The following CAPSL variants were observed in gnomAD, a reference collection of about 807,000 sequenced individuals.
CAPSL encodes the protein calcyphosin-like protein.
A neutral mutation model predicts 21.3 loss-of-function variants in CAPSL; 17 were observed. The observed-to-expected ratio is 0.80, with a 90% CI of 0.55 to 1.20. The LOEUF (loss-of-function observed/expected upper bound fraction) is 1.20, where lower values mean the gene tolerates loss of function less well. CAPSL is among the 50% of genes most tolerant of loss of function. The pLI, the probability that CAPSL is intolerant of heterozygous loss-of-function variation, is 0.00. For missense variants in CAPSL, 289 were observed against 259.3 expected, an observed-to-expected ratio of 1.11 and a Z score of -0.79; for synonymous variants, 102 against 89.3, an observed-to-expected ratio of 1.14 and a Z score of -0.80.
chr5:35,908,125 AAC>A (rs1226756696), intron 4 of CAPSL, among the ~76,000 whole-genome samples: 3 of 152,210 alleles, frequency 2.0e-5, no homozygotes, highest in East Asian at 3.8e-4. Flanking sequence ...GTAATTTTAA[AAC>A]AGTTATTTCT....
At chr5:35,936,489 A>G (rs529826608) in intron 1 of CAPSL, among the ~76,000 whole-genome samples, 13 of 152,296 alleles carry the variant, frequency 8.5e-5, no homozygotes, top group East Asian at 3.9e-4. Context: ...GTCCATTTCA[A>G]TATGGTCTTC....
intron 2 of CAPSL, among the ~76,000 whole-genome samples, 196 bp downstream of exon 2, chr5:35,920,788 C>G (rs143065971): frequency 6.6e-6 from 1 of 152,134 alleles, no homozygotes; most frequent in Non-Finnish European, 1.5e-5. Flanking sequence ...TGAGTCTTGC[C>G]GAATCTGGGA....
intron 1 of CAPSL, among the ~76,000 whole-genome samples, chr5:35,924,542 A>T (rs1229577537): frequency 6.6e-6 from 1 of 152,124 alleles, no homozygotes; most frequent in Non-Finnish European, 1.5e-5. Flanking sequence ...TTATTTCTGG[A>T]GTCTAATAAA....
At chr5:35,934,705 C>T (rs1421667330) in intron 1 of CAPSL, among the ~76,000 whole-genome samples, 3 of 152,180 alleles carry the variant, frequency 2.0e-5, no homozygotes, top group African/African-American at 7.2e-5. Flanking sequence ...CCTCCTTTTG[C>T]CCCTTTAAGG....
chr5:35,921,524 C>T (rs929427289), intron 1 of CAPSL, among the ~76,000 whole-genome samples: 2 of 152,142 alleles, frequency 1.3e-5, no homozygotes, highest in African/African-American at 4.8e-5. Context: ...TTGGTCTAAA[C>T]ATTGATTTTG....
At chr5:35,920,845 T>G in intron 2 of CAPSL, 139 bp downstream of exon 2, 1 of 900,614 alleles carries the variant, frequency 1.1e-6, no homozygotes, top group East Asian at 2.7e-5. Flanking sequence ...TCAACTCTTC[T>G]AAACTCTACA....
intron 4 of CAPSL, among the ~76,000 whole-genome samples, chr5:35,907,222 C>T: frequency 6.6e-6 from 1 of 152,056 alleles, no homozygotes. Flanking sequence ...AATACAAGCC[C>T]TTTTTCTCAG....
intron 2 of CAPSL, among the ~76,000 whole-genome samples, chr5:35,917,260 T>A (rs990779861): frequency 3.9e-5 from 6 of 152,198 alleles, no homozygotes; most frequent in Non-Finnish European, 7.3e-5. Context: ...ACTTTTACAC[T>A]GTTGGTGGGA....
intron 1 of CAPSL, among the ~76,000 whole-genome samples, chr5:35,926,653 G>C (rs1738693234): frequency 6.6e-6 from 1 of 152,174 alleles, no homozygotes; most frequent in South Asian, 2.1e-4. Context: ...CCTGGTGGCA[G>C]TAAGCTGAAT....
intron 4 of CAPSL, among the ~76,000 whole-genome samples, chr5:35,905,111 C>T (rs929115758): frequency 6.6e-6 from 1 of 152,126 alleles, no homozygotes; most frequent in Non-Finnish European, 1.5e-5. Context: ...TAGTTAAACG[C>T]TCCCGGGTTG....
chr5:35,921,211 T>C lies in CAPSL; in HGVS notation c.1-91A>G, dbSNP rs1399469020. 4.1e-6 allele frequency: 6 copies of C among 1,450,048 alleles called. No homozygotes were observed. The East Asian group carries it at 1.4e-4, about 34-fold the overall frequency. The allele number at this position is 1,450,048 out of a possible 1,614,324, so 89.8% of individuals were successfully genotyped here. On this transcript the variant is annotated intron_variant, in intron 1 of 4. Coordinates refer to ENST00000651391, the MANE Select transcript of CAPSL (RefSeq NM_001042625.2). Reference sequence around the variant, plus strand: ...GACAGAAGCCTCACTGAGAAGGAAATTTACAGCCTTCTCTGTCAGGAAACC... The same window carrying C: ...GACAGAAGCCTCACTGAGAAGGAAACTTACAGCCTTCTCTGTCAGGAAACC...
chr5:35,934,469 C>T (rs921648949), intron 1 of CAPSL, among the ~76,000 whole-genome samples: 3 of 152,218 alleles, frequency 2.0e-5, no homozygotes, highest in East Asian at 3.8e-4. Flanking sequence ...TACAAGAGGT[C>T]GACCTCCATA....
At chr5:35,913,227 T>G (rs998780346) in intron 2 of CAPSL, among the ~76,000 whole-genome samples, 3 of 152,156 alleles carry the variant, frequency 2.0e-5, no homozygotes, top group African/African-American at 7.2e-5. Context: ...CAAATCTATG[T>G]CTGATTGGTG....
At chr5:35,929,279 CTT>C (rs10574026) in intron 1 of CAPSL, among the ~76,000 whole-genome samples, 16,519 of 117,756 alleles carry the variant, frequency 0.14, 1,034 homozygotes, top group Non-Finnish European at 0.18. Context: ...AAAACAGTTC[CTT>C]TTTTTTTTTT....
At chr5:35,910,635 T>C in intron 2 of CAPSL, 92 bp from the exon 3 acceptor site, 3 of 984,278 alleles carry the variant, frequency 3.0e-6, no homozygotes, top group Non-Finnish European at 4.4e-6. Context: ...CAAGGTTTCG[T>C]CAAATTAAAA....
Position 35,909,852 on chromosome 5 carries a change from G to T in CAPSL, c.525+14C>A. ...ATTGAAGAAATTTCCCCTAGATTAG[G>T]CTCTTTTACTTACCAATCCATCTTT... On this transcript the variant is annotated intron_variant, in intron 4 of 4. Coordinates refer to ENST00000651391, the MANE Select transcript of CAPSL (RefSeq NM_001042625.2). 1 of 1,594,116 alleles carries T rather than the reference G, an allele frequency of 6.3e-7. No individual in the cohort carries two copies. The highest frequency in any genetic ancestry group is 8.5e-7 in the Non-Finnish European group (1 of 1,172,650).
chr5:35,911,907 C>A (rs112834651), intron 2 of CAPSL, among the ~76,000 whole-genome samples: 1 of 152,114 alleles, frequency 6.6e-6, no homozygotes, highest in East Asian at 1.9e-4. Flanking sequence ...TGAAGCAGGG[C>A]AAGGCATCGC....
chr5:35,924,111 A>G (rs1014798827), intron 1 of CAPSL, among the ~76,000 whole-genome samples: 3 of 152,234 alleles, frequency 2.0e-5, no homozygotes, highest in Admixed American at 2.0e-4. Flanking sequence ...GCTAGTTACT[A>G]CTATTATTGG....
intron 2 of CAPSL, 42 bp from the exon 3 acceptor site, chr5:35,910,585 T>C: frequency 1.4e-6 from 2 of 1,409,608 alleles, no homozygotes; most frequent in South Asian, 1.3e-5. Context: ...AATGTACAAA[T>C]AACAGGTGTA....
Sources: gnomAD v4.1 joint callset for allele counts (sites outside exome capture counted in the v4.1 genomes callset) on GRCh38, gnomAD v4.1.1 for gene constraint, MANE v1.5 for transcripts, NCBI Gene and HGNC (gene_info 2026-07-23, HGNC 2026-07-21) for gene names.